AFAP1: variants seen among roughly 807,000 people sequenced by gnomAD.
The protein encoded by AFAP1 is actin filament-associated protein 1.
AFAP1 carries 75 observed loss-of-function variants against 93.9 expected under a neutral mutation model. The observed-to-expected ratio is 0.80, with a 90% CI of 0.66 to 0.97. The LOEUF is 0.97. AFAP1 is among the 50% of genes least tolerant of loss of function. AFAP1 has a pLI of 0.00. For synonymous variants in AFAP1, 517 were observed against 430.7 expected, an observed-to-expected ratio of 1.20 and a Z score of -2.48; for missense variants, 1,201 against 1,050.8, an observed-to-expected ratio of 1.14 and a Z score of -1.98.
At chr4:7,899,617 A>G (rs1038778191) in intron 1 of AFAP1, among the ~76,000 whole-genome samples, 1 of 152,224 alleles carries the variant, frequency 6.6e-6, no homozygotes, top group African/African-American at 2.4e-5. Flanking sequence ...CACCTCTGAT[A>G]ACATCTCTTC....
At chr4:7,838,770 T>C in intron 5 of AFAP1, 67 bp from the exon 6 acceptor site, 2 of 1,560,796 alleles carry the variant, frequency 1.3e-6, no homozygotes, top group Admixed American at 3.7e-5. Flanking sequence ...GAGGAAGCTC[T>C]AGCATCATGA....
chr4:7,808,705 T>G (rs1224162139), intron 9 of AFAP1, among the ~76,000 whole-genome samples: 1 of 152,010 alleles, frequency 6.6e-6, no homozygotes, highest in African/African-American at 2.4e-5. Context: ...TGGTGGGAGG[T>G]GCTTGGGTCA....
chr4:7,861,026 A>G (rs1017871079), intron 3 of AFAP1, among the ~76,000 whole-genome samples: 1 of 152,182 alleles, frequency 6.6e-6, no homozygotes, highest in Admixed American at 6.5e-5. Context: ...CTTTCCAGGG[A>G]AACACCAATA....
chr4:7,847,396 TAGC>T (rs1713833543), intron 4 of AFAP1, among the ~76,000 whole-genome samples: 1 of 151,956 alleles, frequency 6.6e-6, no homozygotes, highest in Non-Finnish European at 1.5e-5. Flanking sequence ...AAAGTATGCT[TAGC>T]AGTGTCCCAA....
At position 7,800,639 on chromosome 4, in the gene AFAP1, G is replaced by A. The variant is rs1718937032; in HGVS notation, c.1069C>T (p.Leu357Phe). 2 of 1,614,208 alleles carry A rather than the reference G, an allele frequency of 1.2e-6. No individual in the cohort carries two copies. The highest frequency in any genetic ancestry group is 4.5e-5 in the East Asian group (2 of 44,888). Residue 357 changes from leucine to phenylalanine, a missense_variant, in exon 10 of 18, where the codon CTC (leucine) becomes TTC (phenylalanine). Coordinates refer to ENST00000420658, the MANE Select transcript of AFAP1 (RefSeq NM_001134647.2). ...DVPTCGYLNV[L>F]SNSRWRERWC... is the part of the protein sequence containing the mutation. The stretch of plus-strand genomic sequence containing the variant: ...CGCTCTCGCCAGCGGCTGTTGGAGA[G>A]CACGTTCAGATAGCCTGCGGAGACA...
chr4:7,867,568 G>A (rs935686600), intron 3 of AFAP1, among the ~76,000 whole-genome samples: 1 of 152,180 alleles, frequency 6.6e-6, no homozygotes, highest in African/African-American at 2.4e-5. Flanking sequence ...AGAAAAGTGT[G>A]AATTTGAAAT....
At chr4:7,816,683 G>T (rs1216198170) in intron 7 of AFAP1, among the ~76,000 whole-genome samples, 1 of 152,202 alleles carries the variant, frequency 6.6e-6, no homozygotes, top group Non-Finnish European at 1.5e-5. Context: ...GAATGAGGTA[G>T]AGTGTTTACA....
intron 6 of AFAP1, among the ~76,000 whole-genome samples, chr4:7,834,804 C>T (rs1047110880): frequency 9.9e-5 from 15 of 152,252 alleles, no homozygotes; most frequent in Admixed American, 1.3e-4. Flanking sequence ...GAGACCCCAA[C>T]GGAATGTAAC....
chr4:7,906,137 CA>C (rs1719387438), intron 1 of AFAP1, among the ~76,000 whole-genome samples: 1 of 152,166 alleles, frequency 6.6e-6, no homozygotes, highest in Admixed American at 6.5e-5. Context: ...GTTACCTGAG[CA>C]AAGCGCCATG....
At chr4:7,923,948 C>T (rs1043940191) in intron 1 of AFAP1, among the ~76,000 whole-genome samples, 6 of 152,184 alleles carry the variant, frequency 3.9e-5, no homozygotes, top group African/African-American at 1.4e-4. Flanking sequence ...CTTTTCAATC[C>T]TGTTAAACAA....
At position 7,912,651 on chromosome 4, in the gene AFAP1, T is replaced by C. The variant is rs138663738; in HGVS notation, c.-3+27005A>G. ...GTTTGGTTTTACTGCTAAATTTTGA[T>C]AGTTCTTTATGTATTACAGATGTAA... On this transcript the variant is annotated intron_variant, in intron 1 of 17. Transcript: ENST00000420658. Among the ~76,000 whole-genome samples, 1,273 of 152,336 alleles carry C rather than the reference T, an allele frequency of 8.4e-3. 18 individuals are homozygous for C. Among genetic ancestry groups the C allele is most frequent in the African/African-American group, 0.028 (1,184 of 41,572 alleles).
At chr4:7,912,705 T>G (rs1268741761) in intron 1 of AFAP1, among the ~76,000 whole-genome samples, 2 of 152,220 alleles carry the variant, frequency 1.3e-5, no homozygotes, top group African/African-American at 4.8e-5. Flanking sequence ...GGCTTGCAAT[T>G]AGTTTCTCCC....
chr4:7,815,257 G>A (rs114635760), intron 8 of AFAP1, among the ~76,000 whole-genome samples: 1 of 147,708 alleles, frequency 6.8e-6, no homozygotes, highest in African/African-American at 2.5e-5. Context: ...GGGGAGGAGG[G>A]AATGGGGAGT....
At chr4:7,917,437 A>T (rs77173707) in intron 1 of AFAP1, among the ~76,000 whole-genome samples, 2 of 152,358 alleles carry the variant, frequency 1.3e-5, no homozygotes, top group East Asian at 3.9e-4. Flanking sequence ...AGACACATTC[A>T]TCCAAACACA....
At chr4:7,891,022 T>C (rs1718440198) in intron 1 of AFAP1, among the ~76,000 whole-genome samples, 1 of 152,024 alleles carries the variant, frequency 6.6e-6, no homozygotes, top group Admixed American at 6.6e-5. Flanking sequence ...CTAATAAGCA[T>C]GTGGATAAAC....
intron 1 of AFAP1, among the ~76,000 whole-genome samples, chr4:7,888,897 T>G (rs1718278697): frequency 2.0e-5 from 3 of 151,762 alleles, no homozygotes; most frequent in Admixed American, 2.0e-4. Context: ...TTCAAGAGAC[T>G]CTCCAGACTC....
intron 1 of AFAP1, among the ~76,000 whole-genome samples, chr4:7,888,312 T>G (rs1030647206): frequency 6.6e-6 from 1 of 152,216 alleles, no homozygotes; most frequent in African/African-American, 2.4e-5. Context: ...GCAACTCTCC[T>G]CACCCCTTCT....
At chr4:7,809,856 T>C (rs1719859375) in intron 8 of AFAP1, 93 bp from the exon 9 acceptor site, 3 of 1,446,730 alleles carry the variant, frequency 2.1e-6, no homozygotes, top group Admixed American at 4.6e-5. Flanking sequence ...CTTCTTTCCC[T>C]TGGCATTTTT....
chr4:7,806,542 G>A (rs960399397), intron 9 of AFAP1, among the ~76,000 whole-genome samples: 2 of 152,198 alleles, frequency 1.3e-5, no homozygotes, highest in African/African-American at 4.8e-5. Flanking sequence ...TCATCTCCCT[G>A]GAACAGAGAG....
Sources: gnomAD v4.1 joint callset for allele counts (sites outside exome capture counted in the v4.1 genomes callset) on GRCh38, gnomAD v4.1.1 for gene constraint, MANE v1.5 for transcripts, NCBI Gene and HGNC (gene_info 2026-07-23, HGNC 2026-07-21) for gene names.